The following ST3GAL3 variants were observed in gnomAD, a reference collection of about 807,000 sequenced individuals.
ST3GAL3 encodes CMP-N-acetylneuraminate-beta-1,4-galactoside alpha-2,3-sialyltransferase.
A neutral mutation model predicts 50.1 loss-of-function variants in ST3GAL3; 21 were observed. The ratio of observed to expected loss-of-function variants is 0.42; its 90% CI spans 0.30 to 0.60. ST3GAL3 has a LOEUF of 0.60. Ranked by LOEUF, ST3GAL3 falls within the 20% of genes least tolerant of loss-of-function variation. The probability of loss-of-function intolerance (pLI) is 0.19; values close to 1 mark genes in which losing one functional copy is unlikely to be tolerated. For synonymous variants in ST3GAL3, 183 were observed against 190.0 expected (o/e 0.96, Z 0.30); for missense variants, 353 against 489.4 (o/e 0.72, Z 2.63).
chr1:43,794,554 C>T lies in ST3GAL3; in HGVS notation c.166+2405C>T, dbSNP rs550016436. On this transcript the variant is annotated intron_variant, in intron 3 of 11. Transcript: ENST00000347631. Reference sequence around the variant, plus strand: ...ATACCTGGTGACTTAGCAATTCCTCCTCTAGGTATATTATCTGCAGAAATG... The same window carrying T: ...ATACCTGGTGACTTAGCAATTCCTCTTCTAGGTATATTATCTGCAGAAATG... Among the ~76,000 whole-genome samples, 12 of 152,272 alleles carry T rather than the reference C, an allele frequency of 7.9e-5. No individual in the cohort carries two copies. The South Asian group carries it at 2.5e-3, about 32-fold the overall frequency.
intron 2 of ST3GAL3, among the ~76,000 whole-genome samples, chr1:43,745,576 G>T (rs1386798628): frequency 6.6e-6 from 1 of 152,172 alleles, no homozygotes; most frequent in Non-Finnish European, 1.5e-5. Context: ...TGCAAAAGTG[G>T]TTCCGTAAGA....
intron 2 of ST3GAL3, among the ~76,000 whole-genome samples, chr1:43,774,039 A>C (rs1167133992): frequency 6.6e-6 from 1 of 152,184 alleles, no homozygotes; most frequent in African/African-American, 2.4e-5. Flanking sequence ...AGAAAACAAA[A>C]ATGGAGAGGG....
intron 3 of ST3GAL3, among the ~76,000 whole-genome samples, chr1:43,794,245 G>C (rs576106928): frequency 6.6e-6 from 1 of 152,296 alleles, no homozygotes; most frequent in South Asian, 2.1e-4. Context: ...TTACAGAAAT[G>C]AGCAAGACTT....
intron 5 of ST3GAL3, among the ~76,000 whole-genome samples, chr1:43,882,255 A>G (rs1332743004): frequency 6.6e-6 from 1 of 152,176 alleles, no homozygotes; most frequent in Non-Finnish European, 1.5e-5. Flanking sequence ...CAGAGGGAAC[A>G]GTGGTATAGA....
chr1:43,740,574 C>G (rs913044270), intron 2 of ST3GAL3, among the ~76,000 whole-genome samples: 1 of 151,670 alleles, frequency 6.6e-6, no homozygotes, highest in African/African-American at 2.4e-5. Flanking sequence ...TTTCTTGAGG[C>G]TGGGGGAATT....
intron 2 of ST3GAL3, among the ~76,000 whole-genome samples, chr1:43,764,033 G>A (rs1462957878): frequency 1.3e-5 from 2 of 152,206 alleles, no homozygotes; most frequent in Non-Finnish European, 2.9e-5. Flanking sequence ...GAGATAGTGT[G>A]TGTAGAGCTC....
intron 4 of ST3GAL3, among the ~76,000 whole-genome samples, chr1:43,823,458 C>T (rs2062372789): frequency 6.6e-6 from 1 of 152,198 alleles, no homozygotes; most frequent in Non-Finnish European, 1.5e-5. Context: ...TCCCCAGATA[C>T]CTGAAGAGAT....
chr1:43,829,291 G>A (rs1396317773), intron 4 of ST3GAL3, among the ~76,000 whole-genome samples: 1 of 152,068 alleles, frequency 6.6e-6, no homozygotes, highest in African/African-American at 2.4e-5. Context: ...ATCATATAGG[G>A]CTGTTTAAGG....
At chr1:43,790,101 G>T (rs2057860569) in intron 2 of ST3GAL3, among the ~76,000 whole-genome samples, 1 of 152,132 alleles carries the variant, frequency 6.6e-6, no homozygotes, top group South Asian at 2.1e-4. Flanking sequence ...CTGCCACCCA[G>T]TTCTTAGCAA....
chr1:43,742,177 C>T (rs1285388782), intron 2 of ST3GAL3, among the ~76,000 whole-genome samples: 1 of 152,134 alleles, frequency 6.6e-6, no homozygotes, highest in East Asian at 1.9e-4. Context: ...GCCAGGAACG[C>T]TGATGGTCCA....
chr1:43,814,783 G>T, intron 3 of ST3GAL3, 108 bp from the exon 4 acceptor site: 1 of 1,020,382 alleles, frequency 9.8e-7, no homozygotes. Context: ...GTTGAATTGT[G>T]TTCTTTTCCA....
Position 43,819,637 on chromosome 1 carries a change from T to G in ST3GAL3, c.209+4704T>G, listed in dbSNP as rs567694864. On this transcript the variant is annotated intron_variant, in intron 4 of 11. Coordinates refer to ENST00000347631, the MANE Select transcript of ST3GAL3 (RefSeq NM_006279.5). ...ACCCTATTGCATAGAAATACTCCTT[T>G]AAAAAAATGGATTCTGGGGTAAATG... 9.5e-4 allele frequency among the ~76,000 whole-genome samples: 126 copies of G among 132,202 alleles called. 1 individual carries two copies. The Middle Eastern group carries it at 0.011, about 12-fold the overall frequency. 86.7% of individuals were successfully genotyped at this position (132,202 alleles called of 152,430 possible). A position where few individuals can be genotyped will look rare whatever the true frequency, so the allele number is the denominator to read the frequency against.
intron 2 of ST3GAL3, among the ~76,000 whole-genome samples, chr1:43,752,113 G>A (rs758247428): frequency 6.6e-6 from 1 of 152,110 alleles, no homozygotes; most frequent in African/African-American, 2.4e-5. Flanking sequence ...CACTGCGCCC[G>A]GCCTAAATTT....
intron 5 of ST3GAL3, chr1:43,839,455 A>G (rs1252882983): frequency 6.6e-6 from 1 of 152,210 alleles, no homozygotes; most frequent in East Asian, 1.9e-4. Flanking sequence ...TTCCTTTACC[A>G]GTATATAGGT....
At chr1:43,807,761 A>G (rs1006324899) in intron 3 of ST3GAL3, among the ~76,000 whole-genome samples, 4 of 152,250 alleles carry the variant, frequency 2.6e-5, no homozygotes, top group Non-Finnish European at 5.9e-5. Context: ...TCCATTTAGA[A>G]CATGGAATTA....
intron 3 of ST3GAL3, among the ~76,000 whole-genome samples, chr1:43,807,770 T>G (rs2060073931): frequency 6.6e-6 from 1 of 152,118 alleles, no homozygotes; most frequent in South Asian, 2.1e-4. Flanking sequence ...AACATGGAAT[T>G]AAAAGGTCAT....
intron 1 of ST3GAL3, among the ~76,000 whole-genome samples, chr1:43,731,042 T>G (rs947669709): frequency 7.9e-5 from 12 of 152,056 alleles, no homozygotes; most frequent in African/African-American, 2.9e-4. Flanking sequence ...TCTTATTTTT[T>G]TTTTCTTTGA....
intron 5 of ST3GAL3, chr1:43,879,222 T>C (rs1178210264): frequency 1.1e-5 from 5 of 452,700 alleles, no homozygotes; most frequent in Non-Finnish European, 2.2e-5. Flanking sequence ...ATTTAAGGAC[T>C]GGACAGAAGG....
chr1:43,779,855 C>G (rs1197428925), intron 2 of ST3GAL3, among the ~76,000 whole-genome samples: 5 of 152,098 alleles, frequency 3.3e-5, no homozygotes, highest in Non-Finnish European at 7.4e-5. Flanking sequence ...CTAATTCAAC[C>G]CTAAACTCTT....
Sources: gnomAD v4.1 joint callset for allele counts (sites outside exome capture counted in the v4.1 genomes callset) on GRCh38, gnomAD v4.1.1 for gene constraint, MANE v1.5 for transcripts, NCBI Gene and HGNC (gene_info 2026-07-23, HGNC 2026-07-21) for gene names.